The following LRRC7 variants were observed in gnomAD, a reference collection of about 807,000 sequenced individuals.
LRRC7 encodes leucine rich repeat containing 7, also known as leucine-rich repeat-containing protein 7.
Under a neutral mutation model 175.7 loss-of-function variants are expected in LRRC7, and 23 were observed. The observed-to-expected ratio is 0.13, with a 90% CI of 0.09 to 0.19. LRRC7 has a LOEUF of 0.19. Among genes scored for constraint, LRRC7 ranks in the 10% least tolerant of loss-of-function variants. The pLI is 1.00. For synonymous variants in LRRC7, 685 were observed against 680.9 expected, an observed-to-expected ratio of 1.01 and a Z score of -0.09; for missense variants, 1,354 against 1,904.7, an observed-to-expected ratio of 0.71 and a Z score of 5.38.
intron 2 of LRRC7, among the ~76,000 whole-genome samples, chr1:69,713,409 C>T (rs1395621766): frequency 3.9e-5 from 6 of 152,022 alleles, no homozygotes; most frequent in African/African-American, 1.4e-4. Context: ...GTTGGAGGAT[C>T]ACTTGAGCCT....
At chr1:69,707,890 C>T (rs1376297167) in intron 2 of LRRC7, among the ~76,000 whole-genome samples, 1 of 152,164 alleles carries the variant, frequency 6.6e-6, no homozygotes, top group Non-Finnish European at 1.5e-5. Context: ...TATGACTCCT[C>T]TGTATCCTTC....
intron 2 of LRRC7, among the ~76,000 whole-genome samples, chr1:69,682,361 AGG>A (rs1005338514): frequency 3.9e-5 from 6 of 152,004 alleles, no homozygotes; most frequent in African/African-American, 1.5e-4. Flanking sequence ...ATCCAAGGAG[AGG>A]GGATTATACA....
At chr1:69,892,217 G>A (rs1209622172) in intron 7 of LRRC7, among the ~76,000 whole-genome samples, 1 of 152,202 alleles carries the variant, frequency 6.6e-6, no homozygotes, top group Non-Finnish European at 1.5e-5. Flanking sequence ...AATAGTGGAT[G>A]TAGGAAAGTC....
In LRRC7 at chr1:69,974,043, T is replaced by C. The variant is rs145662170; in HGVS notation, c.712-6336T>C. 4.2e-3 allele frequency among the ~76,000 whole-genome samples: 638 copies of C among 152,366 alleles called. 3 individuals are homozygous for C. Among genetic ancestry groups the C allele is most frequent in the African/African-American group, 0.014 (590 of 41,600 alleles). ...GGCATACCTCTATTCCATATTTCTA[T>C]TTTGAAATGCATGTATATGTATTCA... On this transcript the variant is annotated intron_variant, in intron 8 of 26. Transcript: ENST00000651989.
intron 8 of LRRC7, among the ~76,000 whole-genome samples, chr1:69,960,407 G>C (rs1244612883): frequency 6.6e-6 from 1 of 151,924 alleles, no homozygotes; most frequent in Non-Finnish European, 1.5e-5. Context: ...AGAGCTATCT[G>C]TTTTATTAAG....
intron 7 of LRRC7, among the ~76,000 whole-genome samples, chr1:69,889,156 G>C (rs1171092614): frequency 6.6e-6 from 1 of 152,140 alleles, no homozygotes; most frequent in African/African-American, 2.4e-5. Flanking sequence ...TGTTGATAGA[G>C]GGTCTTTCCT....
chr1:70,045,265 C>A (rs967623955), intron 22 of LRRC7, among the ~76,000 whole-genome samples: 1 of 152,028 alleles, frequency 6.6e-6, no homozygotes, highest in African/African-American at 2.4e-5. Context: ...TGGTAACTTT[C>A]TCTCCAAGGA....
intron 1 of LRRC7, among the ~76,000 whole-genome samples, chr1:69,577,812 G>A (rs1045755694): frequency 4.1e-4 from 62 of 152,208 alleles, no homozygotes; most frequent in African/African-American, 1.1e-3. Context: ...GTCAGGTAGC[G>A]TGATGCCTCC....
intron 1 of LRRC7, among the ~76,000 whole-genome samples, chr1:69,612,171 A>G (rs1427943105): frequency 1.3e-5 from 2 of 152,038 alleles, no homozygotes; most frequent in African/African-American, 4.8e-5. Context: ...ATTTAAGCAA[A>G]CTGAAATTAA....
chr1:69,889,239 A>G (rs1280994425), intron 7 of LRRC7, among the ~76,000 whole-genome samples: 1 of 152,174 alleles, frequency 6.6e-6, no homozygotes, highest in African/African-American at 2.4e-5. Flanking sequence ...ATTTCTTAAA[A>G]TAAGACAACA....
Position 69,712,126 on chromosome 1 carries a change from A to G in LRRC7, c.100+33648A>G, listed in dbSNP as rs189939482. 1.3e-3 allele frequency among the ~76,000 whole-genome samples: 199 copies of G among 152,268 alleles called. 1 individual carries two copies. The Middle Eastern group carries it at 0.014, about 10-fold the overall frequency. ...AAAGGCTTTCAAACAATACTTTCAT[A>G]TATAAGTTATCTCATAAAGTCGTTT... On this transcript the variant is annotated intron_variant, in intron 2 of 26. Coordinates refer to ENST00000651989, the MANE Select transcript of LRRC7 (RefSeq NM_001370785.2).
chr1:69,752,985 G>C (rs938547108), intron 2 of LRRC7, among the ~76,000 whole-genome samples: 1 of 152,086 alleles, frequency 6.6e-6, no homozygotes, highest in African/African-American at 2.4e-5. Context: ...AAACCGGATT[G>C]TTACTGACTC....
chr1:69,581,527 T>A (rs1346935981), intron 1 of LRRC7, among the ~76,000 whole-genome samples: 1 of 152,152 alleles, frequency 6.6e-6, no homozygotes, highest in Non-Finnish European at 1.5e-5. Flanking sequence ...CTGGAGAATC[T>A]GGAGAGGGAA....
intron 22 of LRRC7, 44 bp from the exon 23 acceptor site, chr1:70,052,982 C>T: frequency 6.5e-7 from 1 of 1,532,438 alleles, no homozygotes; most frequent in Non-Finnish European, 8.8e-7. Flanking sequence ...CTATGGTAAA[C>T]TTCTACTACA....
At chr1:70,037,858 G>A (rs1489994914) in intron 20 of LRRC7, among the ~76,000 whole-genome samples, 2 of 151,958 alleles carry the variant, frequency 1.3e-5, no homozygotes, top group Non-Finnish European at 2.9e-5. Context: ...CACAACACAA[G>A]ATACAATACA....
rs3831340 is a variant in LRRC7 at position 69,569,066 on chromosome 1, GACAC to G, written c.2+440_2+443del. On this transcript the variant is annotated intron_variant, in intron 1 of 26. Coordinates refer to ENST00000651989, the MANE Select transcript of LRRC7 (RefSeq NM_001370785.2). ...AGGGATGAAGCGCGTGTTTGATCGTGACACACACACACACACACTCACACACACT... is the reference window on the plus strand; with the variant it reads ...AGGGATGAAGCGCGTGTTTGATCGTGACACACACACACACTCACACACACT... 1.9e-3 allele frequency among the ~76,000 whole-genome samples: 287 copies of G among 151,042 alleles called. 3 individuals carry two copies. Among genetic ancestry groups the G allele is most frequent in the East Asian group, 7.6e-3 (39 of 5,112 alleles).
chr1:69,685,958 A>T (rs1476064126), intron 2 of LRRC7, among the ~76,000 whole-genome samples: 1 of 152,116 alleles, frequency 6.6e-6, no homozygotes, highest in Non-Finnish European at 1.5e-5. Context: ...ACCAAAGATA[A>T]AGAAAAATAT....
intron 1 of LRRC7, among the ~76,000 whole-genome samples, chr1:69,573,222 T>C (rs1409902864): frequency 2.0e-5 from 3 of 152,294 alleles, no homozygotes; most frequent in African/African-American, 7.2e-5. Flanking sequence ...TGGAAAGTGA[T>C]GGGCCAAGAT....
intron 7 of LRRC7, among the ~76,000 whole-genome samples, chr1:69,844,355 C>T (rs1682094364): frequency 6.6e-6 from 1 of 152,068 alleles, no homozygotes; most frequent in Non-Finnish European, 1.5e-5. Context: ...CTCCCCATTC[C>T]CTCCTCCCCT....
Sources: allele counts gnomAD v4.1 joint callset (sites outside exome capture counted in the v4.1 genomes callset), GRCh38; gene constraint gnomAD v4.1.1; transcripts MANE v1.5; gene names NCBI Gene and HGNC (gene_info 2026-07-23, HGNC 2026-07-21).